SLC8A3: variants seen among roughly 807,000 people sequenced by gnomAD.
SLC8A3 encodes the protein solute carrier family 8 member A3.
In SLC8A3, 37 loss-of-function variants were observed where a neutral mutation model predicts 65.4. The observed-to-expected ratio is 0.57, with a 90% CI of 0.44 to 0.74. The LOEUF (loss-of-function observed/expected upper bound fraction) is 0.74, where lower values mean the gene tolerates loss of function less well. Among genes scored for constraint, SLC8A3 ranks in the 30% least tolerant of loss-of-function variants. The pLI is 0.00. For missense variants in SLC8A3, 1,112 were observed against 1,172.1 expected, an observed-to-expected ratio of 0.95 and a Z score of 0.75; for synonymous variants, 461 against 444.5, an observed-to-expected ratio of 1.04 and a Z score of -0.47.
At chr14:70,067,184 C>T (rs550446298) in intron 2 of SLC8A3, among the ~76,000 whole-genome samples, 5 of 152,308 alleles carry the variant, frequency 3.3e-5, no homozygotes, top group Admixed American at 6.5e-5. Flanking sequence ...CTGCCTGGGA[C>T]GCTCTTCACC....
At chr14:70,100,045 C>G (rs980363308) in intron 2 of SLC8A3, among the ~76,000 whole-genome samples, 4 of 149,246 alleles carry the variant, frequency 2.7e-5, no homozygotes, top group Non-Finnish European at 5.9e-5. Context: ...AATCAAGCAG[C>G]CTTTAATAGT....
chr14:70,184,299 A>G (rs973439803), intron 1 of SLC8A3, among the ~76,000 whole-genome samples: 1 of 152,104 alleles, frequency 6.6e-6, no homozygotes, highest in Non-Finnish European at 1.5e-5. Flanking sequence ...TGACCTTTCA[A>G]ATCAGTAGTC....
chr14:70,111,185 G>A (rs930751994), intron 2 of SLC8A3, among the ~76,000 whole-genome samples: 2 of 152,172 alleles, frequency 1.3e-5, no homozygotes, highest in Admixed American at 6.5e-5. Context: ...ATTATTGCCT[G>A]TCTTTTGGCT....
At chr14:70,104,815 A>G (rs1892749168) in intron 2 of SLC8A3, among the ~76,000 whole-genome samples, 1 of 152,210 alleles carries the variant, frequency 6.6e-6, no homozygotes, top group Non-Finnish European at 1.5e-5. Context: ...TTAAAGGGAA[A>G]TGTGTAAGTT....
At position 70,157,128 on chromosome 14, in the gene SLC8A3, T is replaced by G. The variant is rs184968168; in HGVS notation, c.1784+9511A>C. Among the ~76,000 whole-genome samples the G allele has an allele frequency of 2.5e-3, 384 of 152,256 alleles. 1 individual carries two copies. Among genetic ancestry groups the G allele is most frequent in the Non-Finnish European group, 2.8e-3 (192 of 68,022 alleles). On this transcript the variant is annotated intron_variant, in intron 2 of 6. Coordinates refer to ENST00000356921, the MANE Select transcript of SLC8A3 (RefSeq NM_182932.3). ...GCATTTGGGCTGGGGGATTCTGAAGTGGCTATTTCTCCCATTCTCCAGCCT... is the reference window on the plus strand; with the variant it reads ...GCATTTGGGCTGGGGGATTCTGAAGGGGCTATTTCTCCCATTCTCCAGCCT...
At chr14:70,128,679 G>A (rs76662645) in intron 2 of SLC8A3, among the ~76,000 whole-genome samples, 2,098 of 152,320 alleles carry the variant, frequency 0.014, 47 homozygotes, top group African/African-American at 0.046. Context: ...CTTGGAGAAG[G>A]TGGTTATAGA....
intron 2 of SLC8A3, among the ~76,000 whole-genome samples, chr14:70,134,356 G>T (rs529636419): frequency 3.3e-5 from 5 of 152,224 alleles, no homozygotes; most frequent in Admixed American, 6.5e-5. Context: ...TTGTTGACTG[G>T]GGAGGGGGAT....
At chr14:70,079,368 T>TG (rs1318626433) in intron 2 of SLC8A3, among the ~76,000 whole-genome samples, 4 of 144,004 alleles carry the variant, frequency 2.8e-5, no homozygotes, top group Admixed American at 1.4e-4. Context: ...CCAGGCGTGG[T>TG]GGTGCACATC....
At chr14:70,062,044 G>GGCTA (rs1189619697) in intron 2 of SLC8A3, among the ~76,000 whole-genome samples, 7 of 146,720 alleles carry the variant, frequency 4.8e-5, no homozygotes, top group African/African-American at 1.8e-4. Flanking sequence ...TCACAATGGT[G>GGCTA]GCTAGCAGGT....
At chr14:70,073,720 A>AT (rs1050351577) in intron 2 of SLC8A3, among the ~76,000 whole-genome samples, 8 of 152,188 alleles carry the variant, frequency 5.3e-5, no homozygotes, top group Non-Finnish European at 1.2e-4. Context: ...GAGAGAACAA[A>AT]TTTGATCCAA....
chr14:70,079,231 C>G (rs999741169), intron 2 of SLC8A3, among the ~76,000 whole-genome samples: 1 of 151,388 alleles, frequency 6.6e-6, no homozygotes, highest in Non-Finnish European at 1.5e-5. Flanking sequence ...CACCTGTAAC[C>G]ACAGCACTTT....
At chr14:70,108,140 T>A (rs1893002618) in intron 2 of SLC8A3, among the ~76,000 whole-genome samples, 1 of 152,102 alleles carries the variant, frequency 6.6e-6, no homozygotes, top group Non-Finnish European at 1.5e-5. Flanking sequence ...CAATAAAAAT[T>A]TACAAACAAC....
At chr14:70,093,064 C>G (rs1891913300) in intron 2 of SLC8A3, among the ~76,000 whole-genome samples, 1 of 152,192 alleles carries the variant, frequency 6.6e-6, no homozygotes. Flanking sequence ...GAGGTGGGAG[C>G]AAGCACATGT....
intron 1 of SLC8A3, among the ~76,000 whole-genome samples, chr14:70,176,668 C>T (rs1035664760): frequency 2.0e-5 from 3 of 152,222 alleles, no homozygotes; most frequent in Non-Finnish European, 4.4e-5. Context: ...AAACATCTCA[C>T]CTTCTTGAAG....
intron 2 of SLC8A3, among the ~76,000 whole-genome samples, chr14:70,081,333 A>C (rs1891037768): frequency 6.6e-6 from 1 of 152,200 alleles, no homozygotes. Flanking sequence ...TTGGACAAGC[A>C]CCCAGGAAAT....
intron 2 of SLC8A3, among the ~76,000 whole-genome samples, chr14:70,121,420 C>T (rs1209524242): frequency 6.6e-6 from 1 of 152,216 alleles, no homozygotes; most frequent in Non-Finnish European, 1.5e-5. Context: ...CTAGATGCTC[C>T]TGCTACAGAT....
chr14:70,093,391 A>C (rs1286257937), intron 2 of SLC8A3, among the ~76,000 whole-genome samples: 2 of 152,212 alleles, frequency 1.3e-5, no homozygotes, highest in Non-Finnish European at 2.9e-5. Context: ...ACTGTTTACC[A>C]GCTGTGTGGT....
At chr14:70,185,633 G>A (rs773704265) in intron 1 of SLC8A3, among the ~76,000 whole-genome samples, 5 of 152,204 alleles carry the variant, frequency 3.3e-5, no homozygotes, top group Non-Finnish European at 7.4e-5. Context: ...AACAGAGAAG[G>A]AAAGAATGTA....
Position 70,049,010 on chromosome 14 carries a change from C to G in SLC8A3, c.2146G>C (p.Glu716Gln), listed in dbSNP as rs780062241. Residue 716 changes from glutamate to glutamine, a missense_variant, in exon 6 of 7, where the codon GAG becomes CAG. Physicochemically the swap from Glu to Gln is conservative, Grantham distance 29 (BLOSUM62 2). Coordinates refer to ENST00000356921, the MANE Select transcript of SLC8A3 (RefSeq NM_182932.3). ...GDEDEDESGE[E>Q]RLPSCFDYVM... Reference sequence around the variant, plus strand: ...TAGTCAAAGCAGGAGGGCAGCCTCTCCTCCCCGGATTCATCCTCATCCTCA... The same window carrying G: ...TAGTCAAAGCAGGAGGGCAGCCTCTGCTCCCCGGATTCATCCTCATCCTCA... 3.7e-6 allele frequency: 6 copies of G among 1,613,554 alleles called. No individual in the cohort carries two copies. Among genetic ancestry groups the G allele is most frequent in the Non-Finnish European group, 5.1e-6 (6 of 1,179,622 alleles).
Sources: gnomAD v4.1 joint callset for allele counts (sites outside exome capture counted in the v4.1 genomes callset) on GRCh38, gnomAD v4.1.1 for gene constraint, MANE v1.5 for transcripts, NCBI Gene and HGNC (gene_info 2026-07-23, HGNC 2026-07-21) for gene names.